The following BCR variants were observed in gnomAD, a reference collection of about 807,000 sequenced individuals.
BCR encodes the protein BCR activator of RhoGEF and GTPase, also known as breakpoint cluster region protein.
In BCR, 58 loss-of-function variants were observed where a neutral mutation model predicts 138.6. That is an observed-to-expected ratio of 0.42 (90% CI 0.34 to 0.52). The LOEUF (loss-of-function observed/expected upper bound fraction) is 0.52. Ranked by LOEUF, BCR falls within the 20% of genes least tolerant of loss-of-function variation. The pLI, the probability that BCR is intolerant of heterozygous loss-of-function variation, is 0.06. For synonymous variants in BCR, 786 were observed against 730.1 expected, an observed-to-expected ratio of 1.08 and a Z score of -1.23; for missense variants, 1,599 against 1,727.2, an observed-to-expected ratio of 0.93 and a Z score of 1.32.
intron 16 of BCR, among the ~76,000 whole-genome samples, chr22:23,308,462 C>A (rs143900118): frequency 7.2e-5 from 11 of 152,254 alleles, no homozygotes; most frequent in Admixed American, 5.9e-4. Flanking sequence ...CCCACCACCA[C>A]GCCCAGCTAA....
At chr22:23,233,859 G>A (rs1205767213) in intron 1 of BCR, among the ~76,000 whole-genome samples, 3 of 151,718 alleles carry the variant, frequency 2.0e-5, no homozygotes, top group South Asian at 2.1e-4. Flanking sequence ...CCAGGGAGGC[G>A]TGCCAGCCAG....
chr22:23,314,737 C>G (rs1329403542), intron 22 of BCR, 23 bp downstream of exon 22: 7 of 1,611,686 alleles, frequency 4.3e-6, no homozygotes, highest in Non-Finnish European at 5.9e-6. Context: ...AGGCTCCAGC[C>G]CATGCAACCC....
At chr22:23,243,252 A>T (rs1602056628) in intron 1 of BCR, among the ~76,000 whole-genome samples, 1 of 152,196 alleles carries the variant, frequency 6.6e-6, no homozygotes, top group Non-Finnish European at 1.5e-5. Context: ...GCTGGTTGCC[A>T]GAGGAACCAG....
intron 4 of BCR, chr22:23,264,171 C>A: frequency 2.9e-6 from 4 of 1,396,600 alleles, no homozygotes; most frequent in Non-Finnish European, 3.0e-6. Context: ...CAACCACTTG[C>A]TTGCCACAGG....
At chr22:23,274,832 C>A (rs1002132265) in intron 8 of BCR, among the ~76,000 whole-genome samples, 1 of 145,922 alleles carries the variant, frequency 6.9e-6, no homozygotes, top group East Asian at 2.0e-4. Context: ...CGCTTGAACC[C>A]AGGAGGCGGA....
At chr22:23,284,138 C>T in intron 9 of BCR, 40 bp downstream of exon 9, 1 of 1,608,372 alleles carries the variant, frequency 6.2e-7, no homozygotes, top group Non-Finnish European at 8.5e-7. Context: ...AGTGACCCCA[C>T]CCTGACTCTC....
chr22:23,255,441 C>T (rs2073282300), intron 2 of BCR, among the ~76,000 whole-genome samples: 1 of 152,186 alleles, frequency 6.6e-6, no homozygotes, highest in African/African-American at 2.4e-5. Context: ...AATGGGCACA[C>T]TTTCCCTCCC....
chr22:23,205,966 T>C (rs1444084049), intron 1 of BCR, among the ~76,000 whole-genome samples: 1 of 152,166 alleles, frequency 6.6e-6, no homozygotes, highest in Non-Finnish European at 1.5e-5. Flanking sequence ...GCGTCTCACA[T>C]CTGTGCTCAG....
chr22:23,265,984 G>T (rs139162756), intron 4 of BCR, among the ~76,000 whole-genome samples: 1 of 152,060 alleles, frequency 6.6e-6, no homozygotes, highest in South Asian at 2.1e-4. Flanking sequence ...TTCAGGACCC[G>T]GTTTAAGATC....
At chr22:23,184,114 C>T (rs1296911726) in intron 1 of BCR, among the ~76,000 whole-genome samples, 5 of 152,134 alleles carry the variant, frequency 3.3e-5, no homozygotes, top group Admixed American at 1.3e-4. Context: ...TAAGAGACAG[C>T]GTCTGGCTCT....
chr22:23,273,004 C>T, intron 6 of BCR, 77 bp from the exon 7 acceptor site: 1 of 1,525,092 alleles, frequency 6.6e-7, no homozygotes, highest in Non-Finnish European at 9.1e-7. Context: ...CCCCACTCAC[C>T]CTTGCACCGA....
At chr22:23,236,746 G>T (rs568999924) in intron 1 of BCR, among the ~76,000 whole-genome samples, 1 of 152,350 alleles carries the variant, frequency 6.6e-6, no homozygotes, top group South Asian at 2.1e-4. Context: ...TGCCTGCCCT[G>T]GAGGTAAAGA....
rs192277622 is a variant in BCR, at chr22:23,183,199, C to G, written c.1279+960C>G. Reference sequence around the variant, plus strand: ...GGTCATGGGACTATGTTTTGAGATCCAGACACAGTTTGCCATTGGGGTAAG... The same window carrying G: ...GGTCATGGGACTATGTTTTGAGATCGAGACACAGTTTGCCATTGGGGTAAG... On this transcript the variant is annotated intron_variant, in intron 1 of 22. Transcript: ENST00000305877. Among the ~76,000 whole-genome samples the G allele has an allele frequency of 3.5e-4, 54 of 152,300 alleles. 1 individual carries two copies. The South Asian group carries it at 4.1e-3, about 12-fold the overall frequency.
Position 23,180,823 on chromosome 22 carries a change from G to A in BCR, c.-138G>A. On this transcript the variant is annotated 5_prime_UTR_variant, in exon 1 of 23. Coordinates refer to ENST00000305877, the MANE Select transcript of BCR (RefSeq NM_004327.4). The stretch of plus-strand genomic sequence containing the variant: ...CCTCACCTGCCACCAGGGAGTGGGC[G>A]GGCATTGTTCGCCGCCGCCGCCGCC... 3.0e-6 allele frequency: 1 copy of A among 335,084 alleles called. No homozygotes were observed. Among genetic ancestry groups the A allele is most frequent in the Non-Finnish European group, 4.2e-6 (1 of 239,340 alleles). The allele number at this position is 335,084 out of a possible 1,614,324, so 20.8% of individuals were successfully genotyped here.
intron 4 of BCR, chr22:23,263,431 T>C: frequency 7.5e-7 from 1 of 1,329,358 alleles, no homozygotes; most frequent in Non-Finnish European, 1.1e-6. Context: ...AACTGGATAG[T>C]GGGGTGCTGC....
chr22:23,284,198 G>A (rs983460847), intron 9 of BCR, 100 bp downstream of exon 9: 55 of 1,481,800 alleles, frequency 3.7e-5, no homozygotes, highest in Middle Eastern at 1.8e-4. Flanking sequence ...GATGTAGCTC[G>A]TTACATTCCG....
At chr22:23,196,216 T>A (rs2072479785) in intron 1 of BCR, among the ~76,000 whole-genome samples, 1 of 151,964 alleles carries the variant, frequency 6.6e-6, no homozygotes, top group Non-Finnish European at 1.5e-5. Flanking sequence ...CAGGAGGGGT[T>A]TTTTCAGTGC....
At chr22:23,221,667 G>T (rs1184131834) in intron 1 of BCR, among the ~76,000 whole-genome samples, 1 of 152,172 alleles carries the variant, frequency 6.6e-6, no homozygotes, top group African/African-American at 2.4e-5. Context: ...TATTTCTCAG[G>T]ACTCAAGACA....
intron 1 of BCR, among the ~76,000 whole-genome samples, chr22:23,236,948 G>A (rs2073033327): frequency 6.6e-6 from 1 of 152,170 alleles, no homozygotes; most frequent in Non-Finnish European, 1.5e-5. Flanking sequence ...TGTTGGGCAG[G>A]GTGACCTGAT....
Sources: gnomAD v4.1 joint callset for allele counts (sites outside exome capture counted in the v4.1 genomes callset) on GRCh38, gnomAD v4.1.1 for gene constraint, MANE v1.5 for transcripts, NCBI Gene and HGNC (gene_info 2026-07-23, HGNC 2026-07-21) for gene names.